The following SLC14A2 variants were observed in gnomAD, a reference collection of about 807,000 sequenced individuals.
SLC14A2 encodes urea transporter 2.
A neutral mutation model predicts 104.6 loss-of-function variants in SLC14A2; 91 were observed. The ratio of observed to expected loss-of-function variants is 0.87; its 90% confidence interval spans 0.73 to 1.04. The LOEUF (loss-of-function observed/expected upper bound fraction) is 1.04, where lower values mean the gene tolerates loss of function less well. SLC14A2 is among the 50% of genes least tolerant of loss of function. The pLI is 0.00. For synonymous variants in SLC14A2, 476 were observed against 466.4 expected, an observed-to-expected ratio of 1.02 and a Z score of -0.27; for missense variants, 1,189 against 1,156.0, an observed-to-expected ratio of 1.03 and a Z score of -0.41.
chr18:45,671,126 C>T (rs559087605), intron 16 of SLC14A2, among the ~76,000 whole-genome samples: 1 of 152,248 alleles, frequency 6.6e-6, no homozygotes, highest in African/African-American at 2.4e-5. Context: ...CTCTAAGTGG[C>T]ATGCTATGGG....
intron 2 of SLC14A2, among the ~76,000 whole-genome samples, chr18:45,500,499 C>T (rs60005807): frequency 6.6e-6 from 1 of 151,530 alleles, no homozygotes; most frequent in Non-Finnish European, 1.5e-5. Flanking sequence ...ATGGCGTGAA[C>T]CCGGGAGGCG....
At chr18:45,650,290 G>A (rs1290308394) in intron 10 of SLC14A2, among the ~76,000 whole-genome samples, 1 of 151,870 alleles carries the variant, frequency 6.6e-6, no homozygotes, top group African/African-American at 2.4e-5. Context: ...AAATCTTTGA[G>A]AGCTAAAATA....
At chr18:45,336,463 C>A (rs572808040) in intron 1 of SLC14A2, among the ~76,000 whole-genome samples, 1 of 152,130 alleles carries the variant, frequency 6.6e-6, no homozygotes, top group South Asian at 2.1e-4. Context: ...CCACTGAGAT[C>A]CTAAGATGCT....
chr18:45,281,366 G>A (rs546910454), intron 1 of SLC14A2, among the ~76,000 whole-genome samples: 13 of 152,188 alleles, frequency 8.5e-5, no homozygotes, highest in African/African-American at 3.1e-4. Flanking sequence ...CATCAGCAAT[G>A]ACTCCGCCAC....
At chr18:45,494,907 CACACACAT>C (rs1447415016) in intron 2 of SLC14A2, among the ~76,000 whole-genome samples, 6 of 57,894 alleles carry the variant, frequency 1.0e-4, no homozygotes, top group African/African-American at 4.6e-4. Flanking sequence ...TCATCACACA[CACACACAT>C]ACACACACAC....
intron 1 of SLC14A2, among the ~76,000 whole-genome samples, chr18:45,457,371 G>A (rs1328599375): frequency 2.0e-5 from 3 of 152,118 alleles, no homozygotes. Context: ...TTAGAGAGAA[G>A]CAACATGCAG....
chr18:45,392,854 T>C (rs1459549744), intron 1 of SLC14A2, among the ~76,000 whole-genome samples: 1 of 152,148 alleles, frequency 6.6e-6, no homozygotes, highest in Admixed American at 6.6e-5. Flanking sequence ...CATGAAAAGG[T>C]TTTTCTTCAT....
intron 2 of SLC14A2, among the ~76,000 whole-genome samples, chr18:45,564,934 C>T (rs2044246200): frequency 1.3e-5 from 2 of 151,912 alleles, no homozygotes; most frequent in African/African-American, 2.4e-5. Flanking sequence ...TATGGGGAGG[C>T]TTTGAAGTTG....
chr18:45,632,491 A>G lies in SLC14A2; in HGVS notation c.650+13A>G. 1 of 1,612,222 alleles carries G rather than the reference A, an allele frequency of 6.2e-7. No individual in the cohort carries two copies. Among genetic ancestry groups the G allele is most frequent in the Non-Finnish European group, 8.5e-7 (1 of 1,179,274 alleles). ...CAGCCATGTCCTGGTGAGGCACCTC[A>G]TTTTTTCTGCTCACAGCTCCATGGG... On this transcript the variant is annotated intron_variant, in intron 5 of 19. Transcript: ENST00000255226.
At chr18:45,280,290 A>T (rs187107896) in intron 1 of SLC14A2, among the ~76,000 whole-genome samples, 27 of 152,288 alleles carry the variant, frequency 1.8e-4, no homozygotes, top group Middle Eastern at 3.4e-3. Flanking sequence ...AAGACCCCTG[A>T]GGAGTCTGGG....
chr18:45,407,367 G>A (rs921137061), intron 1 of SLC14A2, among the ~76,000 whole-genome samples: 2 of 152,208 alleles, frequency 1.3e-5, no homozygotes, highest in African/African-American at 4.8e-5. Flanking sequence ...GAATTGAAGT[G>A]TTAGAGCTTT....
At chr18:45,266,958 C>T (rs757889182) in intron 1 of SLC14A2, among the ~76,000 whole-genome samples, 8 of 152,078 alleles carry the variant, frequency 5.3e-5, no homozygotes, top group Non-Finnish European at 8.8e-5. Flanking sequence ...TGACACGTCT[C>T]CTCAAACATG....
At chr18:45,447,957 G>C (rs1012249253) in intron 1 of SLC14A2, among the ~76,000 whole-genome samples, 1 of 152,172 alleles carries the variant, frequency 6.6e-6, no homozygotes, top group Non-Finnish European at 1.5e-5. Flanking sequence ...TAATAAATGA[G>C]GGACAACCCT....
chr18:45,336,400 A>G (rs79299440), intron 1 of SLC14A2, among the ~76,000 whole-genome samples: 2,406 of 152,134 alleles, frequency 0.016, 34 homozygotes, highest in South Asian at 0.041. Flanking sequence ...CATAGTTAAT[A>G]ATTCTGCACT....
At chr18:45,188,275 T>C in the SLC14A2 span, among the ~76,000 whole-genome samples, 1 of 152,192 alleles carries the variant, frequency 6.6e-6, no homozygotes, top group Non-Finnish European at 1.5e-5. Flanking sequence ...CCGTTACCTA[T>C]CTTCTATTCT....
intron 1 of SLC14A2, among the ~76,000 whole-genome samples, chr18:45,403,847 A>G (rs1051690059): frequency 2.6e-5 from 4 of 152,166 alleles, no homozygotes; most frequent in Admixed American, 1.3e-4. Flanking sequence ...AAGATGCCTC[A>G]GTGACTCCTC....
At chr18:45,438,050 G>C (rs958204506) in intron 1 of SLC14A2, 1 of 152,118 alleles carries the variant, frequency 6.6e-6, no homozygotes, top group Non-Finnish European at 1.5e-5. Context: ...GTCTGTGCTT[G>C]GACTGAAACT....
Position 45,682,718 on chromosome 18 carries a change from T to C in SLC14A2, c.*199T>C. 1.7e-6 allele frequency: 1 copy of C among 576,372 alleles called. No homozygotes were observed. The highest frequency in any genetic ancestry group is 3.0e-5 in the Admixed American group (1 of 33,722). 35.7% of individuals were successfully genotyped at this position (576,372 alleles called of 1,614,324 possible). A position where few individuals can be genotyped will look rare whatever the true frequency, so the allele number is the denominator to read the frequency against. ...ACACTTATCAAAGATATGTTTAGTT[T>C]AGACTTTATACCCTTAGCTTTCCCA... On this transcript the variant is annotated 3_prime_UTR_variant, in exon 20 of 20. Coordinates refer to ENST00000255226, the MANE Select transcript of SLC14A2 (RefSeq NM_007163.4).
intron 2 of SLC14A2, among the ~76,000 whole-genome samples, chr18:45,560,986 A>G (rs1022366624): frequency 8.5e-5 from 13 of 152,230 alleles, no homozygotes; most frequent in African/African-American, 3.1e-4. Flanking sequence ...TGACAGAGAG[A>G]TACAAAGATA....
Sources: allele counts gnomAD v4.1 joint callset (sites outside exome capture counted in the v4.1 genomes callset), GRCh38; gene constraint gnomAD v4.1.1; transcripts MANE v1.5; gene names NCBI Gene and HGNC (gene_info 2026-07-23, HGNC 2026-07-21).